The following DDC variants were observed in gnomAD, a reference collection of about 807,000 sequenced individuals.
DDC encodes the protein dopa decarboxylase, also known as aromatic-L-amino-acid decarboxylase.
A neutral mutation model predicts 60.0 loss-of-function variants in DDC; 43 were observed. That is an observed-to-expected ratio of 0.72 (90% CI 0.56 to 0.92). The LOEUF (loss-of-function observed/expected upper bound fraction) is 0.92. Ranked by LOEUF, DDC falls within the 40% of genes least tolerant of loss-of-function variation. The pLI is 0.00. For missense variants in DDC, 573 were observed against 620.2 expected, an observed-to-expected ratio of 0.92 and a Z score of 0.81; for synonymous variants, 232 against 234.6, an observed-to-expected ratio of 0.99 and a Z score of 0.10.
At chr7:50,523,231 A>G (rs2043948775) in intron 6 of DDC, among the ~76,000 whole-genome samples, 1 of 152,242 alleles carries the variant, frequency 6.6e-6, no homozygotes, top group Non-Finnish European at 1.5e-5. Flanking sequence ...AGAAGATAAT[A>G]TAGGAGAAAA....
intron 9 of DDC, among the ~76,000 whole-genome samples, chr7:50,491,837 T>G: frequency 6.6e-6 from 1 of 152,098 alleles, no homozygotes; most frequent in East Asian, 1.9e-4. Context: ...CAGCTTGCCC[T>G]CCCCTTTAAA....
rs1284035532 is a variant in DDC, at chr7:50,543,932, T to C, written c.154A>G (p.Thr52Ala). The C allele has an allele frequency of 6.2e-7, 1 of 1,614,152 alleles. No individual in the cohort carries two copies. The highest frequency in any genetic ancestry group is 2.2e-5 in the East Asian group (1 of 44,886). Reference protein sequence around the residue: ...IPAAAPQEPDTFEDIINDVEK... With the variant: ...IPAAAPQEPDAFEDIINDVEK... Reference sequence around the variant, plus strand: ...ACGTCGTTGATGATGTCCTCAAACGTGTCTGGCTCCTGAGGGGCAGCGGCA... The same window carrying C: ...ACGTCGTTGATGATGTCCTCAAACGCGTCTGGCTCCTGAGGGGCAGCGGCA... Residue 52 changes from threonine to alanine, a missense_variant, in exon 2 of 15, where the codon ACG becomes GCG. By Grantham distance (58) the Thr-to-Ala change is moderately conservative. Coordinates refer to ENST00000444124, the MANE Select transcript of DDC (RefSeq NM_001082971.2).
intron 1 of DDC, among the ~76,000 whole-genome samples, chr7:50,559,426 T>TCC (rs1406000012): frequency 7.9e-6 from 1 of 125,888 alleles, no homozygotes; most frequent in African/African-American, 3.1e-5. Context: ...ATCAGAACAT[T>TCC]TCTTTTTTTT....
chr7:50,502,817 T>C (rs1485781619), intron 7 of DDC, among the ~76,000 whole-genome samples: 1 of 152,184 alleles, frequency 6.6e-6, no homozygotes, highest in Non-Finnish European at 1.5e-5. Context: ...AATAATCGTG[T>C]GGGGAAATCT....
At chr7:50,562,016 C>T (rs1465756683) in intron 1 of DDC, among the ~76,000 whole-genome samples, 1 of 152,196 alleles carries the variant, frequency 6.6e-6, no homozygotes, top group East Asian at 1.9e-4. Flanking sequence ...TGCATACACA[C>T]ACATACACAT....
At chr7:50,559,727 C>T (rs1383659323) in intron 1 of DDC, among the ~76,000 whole-genome samples, 8 of 152,244 alleles carry the variant, frequency 5.3e-5, no homozygotes, top group South Asian at 2.1e-4. Flanking sequence ...TGCGCCCAGC[C>T]GCAGAACACT....
intron 1 of DDC, among the ~76,000 whole-genome samples, chr7:50,545,624 C>T (rs2044777150): frequency 6.6e-6 from 1 of 152,188 alleles, no homozygotes; most frequent in South Asian, 2.1e-4. Context: ...AAGCACCCAC[C>T]ACTATGCCCA....
intron 6 of DDC, among the ~76,000 whole-genome samples, chr7:50,518,829 G>A (rs1159087205): frequency 6.6e-6 from 1 of 152,170 alleles, no homozygotes; most frequent in East Asian, 1.9e-4. Flanking sequence ...ATTGGCTTAG[G>A]CAAGGATTTC....
intron 6 of DDC, among the ~76,000 whole-genome samples, chr7:50,510,197 G>C (rs1026845027): frequency 6.6e-6 from 1 of 151,958 alleles, no homozygotes; most frequent in African/African-American, 2.4e-5. Context: ...GGATGGTCTC[G>C]ATCTCCTGAC....
intron 6 of DDC, among the ~76,000 whole-genome samples, chr7:50,513,978 G>A (rs1241868408): frequency 6.6e-6 from 1 of 152,076 alleles, no homozygotes; most frequent in Non-Finnish European, 1.5e-5. Flanking sequence ...TACAGCTGAT[G>A]CTCTCTGGAA....
chr7:50,547,809 C>T lies in DDC; in HGVS notation c.-28-3696G>A, dbSNP rs972888813. ...CGTAAATTGCTGCCATGCTAAACCT[C>T]ATTTTCTTTAACTGGCAACAAAAAT... On this transcript the variant is annotated intron_variant, in intron 1 of 14. Coordinates refer to ENST00000444124, the MANE Select transcript of DDC (RefSeq NM_001082971.2). Among the ~76,000 whole-genome samples, 4 of 152,216 alleles carry T rather than the reference C, an allele frequency of 2.6e-5. No individual in the cohort carries two copies. In the South Asian group the frequency reaches 8.3e-4, roughly 32 times the overall value.
intron 6 of DDC, among the ~76,000 whole-genome samples, chr7:50,519,975 A>AAC (rs2043847614): frequency 6.6e-6 from 1 of 152,004 alleles, no homozygotes. Context: ...CAAACAAACA[A>AAC]AAACCAGTAA....
Position 50,541,894 on chromosome 7 carries a change from C to T in DDC, c.202-1866G>A, listed in dbSNP as rs542131528. 3.3e-5 allele frequency among the ~76,000 whole-genome samples: 5 copies of T among 152,288 alleles called. No individual in the cohort carries two copies. In the South Asian group the frequency reaches 8.3e-4, roughly 25 times the overall value. ...GAAGGCAGCCAACTGAGAGAGCTCA[C>T]CAAGAACTAGGAGTGTTCAGTAAGG... On this transcript the variant is annotated intron_variant, in intron 2 of 14. Coordinates refer to ENST00000444124, the MANE Select transcript of DDC (RefSeq NM_001082971.2).
rs564905970 is a variant in DDC, at chr7:50,459,800, G to A, written c.*19-957C>T. ...GGGAGGGAGGTGGGGGTCAGCCCCC[G>A]CCAGGCCAGCCGCCCCGTCCGGGAG... On this transcript the variant is annotated intron_variant, in intron 14 of 14. Transcript: ENST00000444124. 7.6e-3 allele frequency: 1,126 copies of A among 147,864 alleles called. 8 individuals are homozygous for A. Among genetic ancestry groups the A allele is most frequent in the Admixed American group, 0.015 (226 of 14,828 alleles). 9.2% of individuals were successfully genotyped at this position (147,864 alleles called of 1,614,324 possible). A position where few individuals can be genotyped will look rare whatever the true frequency, so the allele number is the denominator to read the frequency against.
At chr7:50,495,197 A>C (rs1241958273) in intron 9 of DDC, among the ~76,000 whole-genome samples, 153 bp downstream of exon 9, 2 of 152,218 alleles carry the variant, frequency 1.3e-5, no homozygotes, top group African/African-American at 4.8e-5. Flanking sequence ...AGTGAGGCTA[A>C]GAATTAGCAA....
chr7:50,497,728 T>C (rs535800377), intron 8 of DDC, among the ~76,000 whole-genome samples: 2 of 152,324 alleles, frequency 1.3e-5, no homozygotes, highest in South Asian at 4.1e-4. Flanking sequence ...ACATAGGTCT[T>C]TGGAAGCTCC....
intron 9 of DDC, among the ~76,000 whole-genome samples, chr7:50,481,094 G>T (rs554832735): frequency 6.6e-6 from 1 of 152,138 alleles, no homozygotes; most frequent in Non-Finnish European, 1.5e-5. Flanking sequence ...CAAATAAAAC[G>T]TGAGAGTCCC....
chr7:50,478,831 T>G (rs1247253455), intron 10 of DDC, among the ~76,000 whole-genome samples: 1 of 152,184 alleles, frequency 6.6e-6, no homozygotes, highest in Non-Finnish European at 1.5e-5. Flanking sequence ...AACAATGCAT[T>G]GAACAAGACT....
intron 1 of DDC, among the ~76,000 whole-genome samples, chr7:50,558,860 G>A (rs1444056039): frequency 6.6e-6 from 1 of 152,186 alleles, no homozygotes; most frequent in Non-Finnish European, 1.5e-5. Flanking sequence ...GTGGTCCAGG[G>A]CTCCTGCCTG....
Sources: allele counts gnomAD v4.1 joint callset (sites outside exome capture counted in the v4.1 genomes callset), GRCh38; gene constraint gnomAD v4.1.1; transcripts MANE v1.5; gene names NCBI Gene and HGNC (gene_info 2026-07-23, HGNC 2026-07-21).